Variants in ENOX1 observed in about 807,000 individuals in gnomAD.
ENOX1 encodes the protein ecto-NOX disulfide-thiol exchanger 1.
In ENOX1, 42 loss-of-function variants were observed where a neutral mutation model predicts 82.5. The ratio of observed to expected loss-of-function variants is 0.51; its 90% CI spans 0.40 to 0.66. The LOEUF (loss-of-function observed/expected upper bound fraction) is 0.66, where lower values mean the gene tolerates loss of function less well. Among genes scored for constraint, ENOX1 ranks in the 30% least tolerant of loss-of-function variants. ENOX1 has a pLI of 0.00. For synonymous variants in ENOX1, 271 were observed against 282.2 expected (o/e 0.96, Z 0.40); for missense variants, 608 against 811.6 (o/e 0.75, Z 3.05).
At chr13:43,461,395 C>T (rs1469433140) in intron 3 of ENOX1, among the ~76,000 whole-genome samples, 4 of 152,196 alleles carry the variant, frequency 2.6e-5, no homozygotes, top group African/African-American at 7.2e-5. Context: ...GATCTATAAG[C>T]ATCTCCCTTG....
Position 43,597,799 on chromosome 13 carries a change from C to A in ENOX1, c.-219+69680G>T, listed in dbSNP as rs74482663. On this transcript the variant is annotated intron_variant, in intron 2 of 16. Transcript: ENST00000690772. Reference sequence around the variant, plus strand: ...TACTGGGTCACTGTATCTCCCACTGCTCACTTTCTTGCTCACTCTTTTCTG... The same window carrying A: ...TACTGGGTCACTGTATCTCCCACTGATCACTTTCTTGCTCACTCTTTTCTG... Among the ~76,000 whole-genome samples the A allele has an allele frequency of 6.5e-3, 997 of 152,290 alleles. 8 individuals carry two copies. Among genetic ancestry groups the A allele is most frequent in the African/African-American group, 0.023 (966 of 41,550 alleles).
chr13:43,321,234 T>C, intron 11 of ENOX1: 1 of 439,132 alleles, frequency 2.3e-6, no homozygotes, highest in Non-Finnish European at 4.6e-6. Context: ...CCCCACACCC[T>C]GTAGCCACTA....
At chr13:43,667,889 T>C (rs2085065679) in intron 1 of ENOX1, among the ~76,000 whole-genome samples, 1 of 152,178 alleles carries the variant, frequency 6.6e-6, no homozygotes, top group African/African-American at 2.4e-5. Context: ...AAAGCCTAAA[T>C]AAATAAAGCT....
rs532838447 is a variant in ENOX1 at position 43,516,570 on chromosome 13, G to A, written c.-218-32418C>T. 1.2e-4 allele frequency among the ~76,000 whole-genome samples: 19 copies of A among 152,260 alleles called. No homozygotes were observed. In the East Asian group the frequency reaches 2.1e-3, roughly 17 times the overall value. ...TCCCTGCTCTGCAATGACCATCAAAGCCATCTGGGAAAAACAAAATTCTTT... is the reference window on the plus strand; with the variant it reads ...TCCCTGCTCTGCAATGACCATCAAAACCATCTGGGAAAAACAAAATTCTTT... On this transcript the variant is annotated intron_variant, in intron 2 of 16. Transcript: ENST00000690772.
Position 43,698,296 on chromosome 13 carries a change from C to T in ENOX1, c.-284-30752G>A, listed in dbSNP as rs561330041. ...CAACCAATACGTAAGAATCACAACT[C>T]CTACATAAGTACCTTTTGGTAAACA... On this transcript the variant is annotated intron_variant, in intron 1 of 16. Transcript: ENST00000690772. Among the ~76,000 whole-genome samples the T allele has an allele frequency of 1.8e-4, 28 of 152,306 alleles. No homozygotes were observed. The South Asian group carries it at 4.3e-3, about 24-fold the overall frequency.
intron 3 of ENOX1, among the ~76,000 whole-genome samples, chr13:43,472,919 C>T (rs899858422): frequency 5.3e-5 from 8 of 152,120 alleles, no homozygotes; most frequent in African/African-American, 1.9e-4. Flanking sequence ...TTTAGCATTT[C>T]CAACCAATAA....
chr13:43,637,757 C>T lies in ENOX1; in HGVS notation c.-219+29722G>A, dbSNP rs2291763. 8.7e-3 allele frequency among the ~76,000 whole-genome samples: 1,318 copies of T among 152,258 alleles called. 24 individuals carry two copies. Among genetic ancestry groups the T allele is most frequent in the East Asian group, 0.085 (438 of 5,182 alleles). ...ATGCCTCCCCCACTATTAAAAACAG[C>T]TGTCCCAAAATTTTACAGTATAAGT... On this transcript the variant is annotated intron_variant, in intron 2 of 16. Coordinates refer to ENST00000690772, the MANE Select transcript of ENOX1 (RefSeq NM_001347969.2).
intron 3 of ENOX1, among the ~76,000 whole-genome samples, chr13:43,414,132 A>T (rs2054304575): frequency 6.6e-6 from 1 of 152,184 alleles, no homozygotes; most frequent in African/African-American, 2.4e-5. Flanking sequence ...TATAAGAATC[A>T]GTAATTCCTT....
At chr13:43,636,756 G>C (rs1594206466) in intron 2 of ENOX1, among the ~76,000 whole-genome samples, 1 of 152,174 alleles carries the variant, frequency 6.6e-6, no homozygotes, top group East Asian at 1.9e-4. Context: ...GTGCTAAGGA[G>C]AGGAGGAAAT....
intron 3 of ENOX1, among the ~76,000 whole-genome samples, chr13:43,438,762 A>T (rs1280547068): frequency 6.6e-6 from 1 of 152,132 alleles, no homozygotes; most frequent in Non-Finnish European, 1.5e-5. Flanking sequence ...CCAAATGCAT[A>T]TGCTTGGTCT....
At chr13:43,301,093 GTGT>G (rs1450082075) in intron 11 of ENOX1, among the ~76,000 whole-genome samples, 3 of 152,218 alleles carry the variant, frequency 2.0e-5, no homozygotes, top group African/African-American at 7.2e-5. Flanking sequence ...GATGAAGAAA[GTGT>G]TGGCACTGCA....
intron 9 of ENOX1, among the ~76,000 whole-genome samples, chr13:43,331,116 C>A (rs1234358002): frequency 3.3e-5 from 5 of 152,150 alleles, no homozygotes; most frequent in African/African-American, 1.2e-4. Flanking sequence ...GAAAAAGCAG[C>A]CACTGGGTGC....
chr13:43,734,244 T>C (rs2089498741), intron 1 of ENOX1, among the ~76,000 whole-genome samples: 2 of 150,298 alleles, frequency 1.3e-5, no homozygotes, highest in East Asian at 2.0e-4. Context: ...TTGTTGTTGT[T>C]TTAATCCACC....
chr13:43,384,389 T>C (rs2052273087), intron 5 of ENOX1, among the ~76,000 whole-genome samples: 1 of 152,162 alleles, frequency 6.6e-6, no homozygotes, highest in African/African-American at 2.4e-5. Flanking sequence ...TAAATAACAA[T>C]AATTATATTA....
At chr13:43,465,725 A>T (rs184810665) in intron 3 of ENOX1, among the ~76,000 whole-genome samples, 68 of 152,272 alleles carry the variant, frequency 4.5e-4, no homozygotes, top group Non-Finnish European at 7.8e-4. Flanking sequence ...CATATTTATC[A>T]AATTAAATAG....
chr13:43,263,889 G>A (rs1410247718), intron 14 of ENOX1, among the ~76,000 whole-genome samples: 2 of 152,238 alleles, frequency 1.3e-5, no homozygotes, highest in African/African-American at 2.4e-5. Context: ...AAGACAGGGT[G>A]CTGAAGAAGG....
At chr13:43,756,974 A>ACAAC (rs201682546) in intron 1 of ENOX1, among the ~76,000 whole-genome samples, 2 of 142,956 alleles carry the variant, frequency 1.4e-5, no homozygotes, top group East Asian at 2.1e-4. Flanking sequence ...AACAACAACA[A>ACAAC]AAAAAAAAAA....
At chr13:43,420,278 G>A (rs1227748000) in intron 3 of ENOX1, among the ~76,000 whole-genome samples, 1 of 152,142 alleles carries the variant, frequency 6.6e-6, no homozygotes, top group Non-Finnish European at 1.5e-5. Flanking sequence ...TGAATAGTAG[G>A]GGAGATACTT....
chr13:43,214,182 T>C lies in ENOX1; in HGVS notation c.1801-61A>G, dbSNP rs936609010. ...GAACTCATCTTAAAGGAGGAATGGA[T>C]TGGGGAAGGATGAGCTTTCCCAGTG... On this transcript the variant is annotated intron_variant, in intron 16 of 16. Coordinates refer to ENST00000690772, the MANE Select transcript of ENOX1 (RefSeq NM_001347969.2). The C allele has an allele frequency of 2.0e-5, 31 of 1,566,260 alleles. No homozygotes were observed. In the African/African-American group the frequency reaches 3.1e-4, roughly 16 times the overall value.
Sources: allele counts gnomAD v4.1 joint callset (sites outside exome capture counted in the v4.1 genomes callset), GRCh38; gene constraint gnomAD v4.1.1; transcripts MANE v1.5; gene names NCBI Gene and HGNC (gene_info 2026-07-23, HGNC 2026-07-21).